Variants in CA5A observed in about 807,000 individuals in gnomAD.
CA5A encodes the protein carbonic anhydrase 5A.
A neutral mutation model predicts 37.1 loss-of-function variants in CA5A; 28 were observed. The ratio of observed to expected loss-of-function variants is 0.75; its 90% CI spans 0.56 to 1.03. CA5A has a LOEUF of 1.03. Among genes scored for constraint, CA5A ranks in the 50% least tolerant of loss-of-function variants. CA5A has a pLI of 0.00. For missense variants in CA5A, 444 were observed against 399.9 expected (o/e 1.11, Z -0.94); for synonymous variants, 171 against 158.4 (o/e 1.08, Z -0.60).
chr16:87,931,725 C>T (rs1330714731), intron 1 of CA5A, among the ~76,000 whole-genome samples: 1 of 152,196 alleles, frequency 6.6e-6, no homozygotes, highest in Non-Finnish European at 1.5e-5. Flanking sequence ...ACACAGAACT[C>T]GCTAAGTGCC....
At chr16:87,921,793 T>A (rs564648044) in intron 2 of CA5A, among the ~76,000 whole-genome samples, 2 of 152,316 alleles carry the variant, frequency 1.3e-5, no homozygotes, top group South Asian at 4.2e-4. Context: ...GATTCTTGGA[T>A]CTGCCTTGCA....
intron 5 of CA5A, among the ~76,000 whole-genome samples, chr16:87,899,285 C>T (rs2055843704): frequency 6.7e-6 from 1 of 149,168 alleles, no homozygotes; most frequent in Admixed American, 6.7e-5. Flanking sequence ...GGCCTTTTAC[C>T]TCCTAAGGTC....
intron 2 of CA5A, among the ~76,000 whole-genome samples, chr16:87,914,710 G>A (rs1470619535): frequency 5.9e-5 from 9 of 152,272 alleles, no homozygotes; most frequent in South Asian, 4.1e-4. Flanking sequence ...ACGTGGGGGC[G>A]GGCGCAGGGC....
At chr16:87,914,789 T>G (rs1233267812) in intron 2 of CA5A, among the ~76,000 whole-genome samples, 2 of 151,994 alleles carry the variant, frequency 1.3e-5, no homozygotes, top group African/African-American at 2.4e-5. Flanking sequence ...GGGGCTGGCA[T>G]GGAGTCACGG....
intron 2 of CA5A, 50 bp from the exon 3 acceptor site, chr16:87,904,954 G>A (rs1418798740): frequency 1.7e-6 from 2 of 1,201,652 alleles, no homozygotes; most frequent in Non-Finnish European, 1.2e-6. Context: ...TGTTTGTTGA[G>A]CTGTGGTGTT....
intron 3 of CA5A, among the ~76,000 whole-genome samples, chr16:87,903,858 C>T (rs1382753105): frequency 6.6e-6 from 1 of 152,124 alleles, no homozygotes; most frequent in Non-Finnish European, 1.5e-5. Context: ...ACATCAAACT[C>T]GTAGATTCTT....
At chr16:87,935,951 T>G (rs556857434) in intron 1 of CA5A, among the ~76,000 whole-genome samples, 2 of 151,796 alleles carry the variant, frequency 1.3e-5, no homozygotes, top group African/African-American at 4.8e-5. Flanking sequence ...GACAGGCGGA[T>G]CGCGAGGTTA....
intron 2 of CA5A, among the ~76,000 whole-genome samples, chr16:87,922,390 A>C (rs4075720): frequency 0.15 from 22,245 of 152,092 alleles, 1,814 homozygotes; most frequent in South Asian, 0.35. Flanking sequence ...CTGGGGGATA[A>C]TTACCATCTG....
At chr16:87,906,981 C>T (rs918779119) in intron 2 of CA5A, among the ~76,000 whole-genome samples, 4 of 152,130 alleles carry the variant, frequency 2.6e-5, no homozygotes, top group African/African-American at 9.7e-5. Context: ...CTTTGGGAGG[C>T]CAAGGCGGGT....
intron 1 of CA5A, among the ~76,000 whole-genome samples, chr16:87,934,480 A>T (rs908465752): frequency 2.0e-5 from 3 of 152,210 alleles, no homozygotes; most frequent in African/African-American, 7.2e-5. Context: ...AGGCAGGAGA[A>T]TTGCTTGAAC....
intron 5 of CA5A, among the ~76,000 whole-genome samples, chr16:87,894,669 A>G (rs1323245228): frequency 2.0e-5 from 3 of 152,126 alleles, no homozygotes; most frequent in Non-Finnish European, 4.4e-5. Context: ...ACCTGAAGTC[A>G]GGAGTTCAAG....
intron 2 of CA5A, among the ~76,000 whole-genome samples, chr16:87,926,043 C>T (rs114563724): frequency 0.086 from 13,094 of 152,062 alleles, 682 homozygotes; most frequent in South Asian, 0.25. Flanking sequence ...GCCAACATGG[C>T]GACATCCCAT....
At chr16:87,896,965 G>C (rs1188189917) in intron 5 of CA5A, among the ~76,000 whole-genome samples, 1 of 152,210 alleles carries the variant, frequency 6.6e-6, no homozygotes, top group Non-Finnish European at 1.5e-5. Flanking sequence ...CTCTTAAACA[G>C]GACCCCACAT....
At chr16:87,928,064 C>T (rs1362339034) in intron 1 of CA5A, among the ~76,000 whole-genome samples, 2 of 152,122 alleles carry the variant, frequency 1.3e-5, no homozygotes, top group Non-Finnish European at 2.9e-5. Context: ...CTTCCAAATA[C>T]AGAGTCCCCT....
Position 87,923,736 on chromosome 16 carries a change from C to T in CA5A, c.340+3012G>A, listed in dbSNP as rs149794843. 1.6e-3 allele frequency: 1,580 copies of T among 984,692 alleles called. 1 individual carries two copies. The highest frequency in any genetic ancestry group is 9.2e-3 in the East Asian group (81 of 8,814). 61.0% of individuals were successfully genotyped at this position (984,692 alleles called of 1,614,324 possible). A position where few individuals can be genotyped will look rare whatever the true frequency, so the allele number is the denominator to read the frequency against. ...AATAACCTTCAAAGTTTATACTTTACGACTTAGAGGAAACAAATCAGTTAT... is the reference window on the plus strand; with the variant it reads ...AATAACCTTCAAAGTTTATACTTTATGACTTAGAGGAAACAAATCAGTTAT... On this transcript the variant is annotated intron_variant, in intron 2 of 6. Coordinates refer to ENST00000649794, the MANE Select transcript of CA5A (RefSeq NM_001739.2).
At chr16:87,927,042 G>A (rs1260413867) in intron 1 of CA5A, 97 bp from the exon 2 acceptor site, 20 of 855,640 alleles carry the variant, frequency 2.3e-5, no homozygotes, top group South Asian at 1.8e-4. Context: ...GACCCCTCAC[G>A]TCCTGGCTCA....
In CA5A at chr16:87,926,961, C is replaced by A. The variant is rs755751684; in HGVS notation, c.143-16G>T. On this transcript the variant is annotated splice_polypyrimidine_tract_variant and intron_variant, in intron 1 of 6. Coordinates refer to ENST00000649794, the MANE Select transcript of CA5A (RefSeq NM_001739.2). The stretch of plus-strand genomic sequence containing the variant: ...AGTGGGTGCACTGCAGGGAGAGAGA[C>A]GGAGACCCTGAGTGAGGCATGAGCT... The A allele has an allele frequency of 2.6e-6, 4 of 1,524,244 alleles. No homozygotes were observed. The African/African-American group carries it at 4.1e-5, about 16-fold the overall frequency. The allele number at this position is 1,524,244 out of a possible 1,614,324, so 94.4% of individuals were successfully genotyped here. A position where few individuals can be genotyped will look rare whatever the true frequency, so the allele number is the denominator to read the frequency against.
At chr16:87,902,915 A>C (rs978646632) in intron 3 of CA5A, among the ~76,000 whole-genome samples, 1 of 110,426 alleles carries the variant, frequency 9.1e-6, no homozygotes, top group Non-Finnish European at 1.8e-5. Context: ...CCATCTCACA[A>C]AAAAAAAAAA....
intron 1 of CA5A, 118 bp from the exon 2 acceptor site, chr16:87,927,063 A>G (rs1425138465): frequency 5.4e-6 from 4 of 736,816 alleles, no homozygotes; most frequent in Non-Finnish European, 8.8e-6. Context: ...TGGGAAACTG[A>G]CCCACGGGAA....
Sources: allele counts gnomAD v4.1 joint callset (sites outside exome capture counted in the v4.1 genomes callset), GRCh38; gene constraint gnomAD v4.1.1; transcripts MANE v1.5; gene names NCBI Gene and HGNC (gene_info 2026-07-23, HGNC 2026-07-21).